AASDH: variants seen among roughly 807,000 people sequenced by gnomAD.
AASDH encodes aminoadipate-semialdehyde dehydrogenase, also known as beta-alanine-activating enzyme.
AASDH carries 81 observed loss-of-function variants against 102.3 expected under a neutral mutation model. The ratio of observed to expected loss-of-function variants is 0.79; its 90% CI spans 0.66 to 0.95. The LOEUF (loss-of-function observed/expected upper bound fraction) is 0.95. Among genes scored for constraint, AASDH ranks in the 40% least tolerant of loss-of-function variants. The pLI is 0.00. For missense variants in AASDH, 1,203 were observed against 1,266.2 expected, an observed-to-expected ratio of 0.95 and a Z score of 0.76; for synonymous variants, 398 against 454.0, an observed-to-expected ratio of 0.88 and a Z score of 1.57.
rs1326485460 is a variant in AASDH at position 56,349,281 on chromosome 4, C to CACACTTAGAT, written c.2460_2469dup (p.Gly824IlefsTer2). On this transcript the variant is annotated stop_gained and frameshift_variant, in exon 11 of 15. Transcript: ENST00000205214. LOFTEE classifies it high-confidence loss of function. ...AACTTACCCACCACAATAAAGTTTC[C>CACACTTAGAT]ACACTTAGATACACATGCTGAGGAT... 1.2e-6 allele frequency: 2 copies of CACACTTAGAT among 1,614,014 alleles called. No individual in the cohort carries two copies. The highest frequency in any genetic ancestry group is 1.7e-6 in the Non-Finnish European group (2 of 1,180,002).
intron 5 of AASDH, among the ~76,000 whole-genome samples, chr4:56,361,176 C>G (rs778079170): frequency 6.6e-6 from 1 of 152,134 alleles, no homozygotes; most frequent in Non-Finnish European, 1.5e-5. Flanking sequence ...CTTTGGAAAG[C>G]CAAGGCGGGC....
At position 56,342,912 on chromosome 4, in the gene AASDH, G is replaced by C; in HGVS notation, c.2830C>G (p.Pro944Ala). The change falls in exon 14 of 15, where the codon CCA becomes GCA. Residue 944 changes from proline to alanine, a missense_variant. Coordinates refer to ENST00000205214, the MANE Select transcript of AASDH (RefSeq NM_181806.4). Reference sequence around the variant, plus strand: ...CAAATATACTGTGAGCAACATTGTGGGGAAGAGAAGAGTGGTTTTCCACAG... The same window carrying C: ...CAAATATACTGTGAGCAACATTGTGCGGAAGAGAAGAGTGGTTTTCCACAG... The part of the protein sequence containing the change: ...HSCGKPLFSS[P>A]QCCSQYICIG... The C allele has an allele frequency of 6.3e-7, 1 of 1,595,754 alleles. No homozygotes were observed. Among genetic ancestry groups the C allele is most frequent in the Non-Finnish European group, 8.5e-7 (1 of 1,171,122 alleles).
chr4:56,358,942 T>C (rs1314593870), intron 5 of AASDH, among the ~76,000 whole-genome samples: 3 of 152,228 alleles, frequency 2.0e-5, no homozygotes, highest in Non-Finnish European at 4.4e-5. Context: ...TACTTATGTT[T>C]TCAATTTTGT....
intron 3 of AASDH, among the ~76,000 whole-genome samples, chr4:56,380,094 T>C (rs1242821408): frequency 6.6e-6 from 1 of 152,216 alleles, no homozygotes; most frequent in East Asian, 1.9e-4. Flanking sequence ...TCGGATATAC[T>C]ATATGGTCCT....
At chr4:56,354,607 C>A in intron 7 of AASDH, 98 bp downstream of exon 7, 1 of 852,462 alleles carries the variant, frequency 1.2e-6, no homozygotes, top group Non-Finnish European at 1.8e-6. Context: ...CACTGAAAAG[C>A]ATGAGATAGA....
intron 2 of AASDH, among the ~76,000 whole-genome samples, chr4:56,383,162 AT>A (rs35068358): frequency 6.6e-6 from 1 of 152,042 alleles, no homozygotes; most frequent in Non-Finnish European, 1.5e-5. Context: ...GAAATACAAG[AT>A]TTTTTTAAAG....
chr4:56,386,324 C>T (rs530539836), intron 1 of AASDH, among the ~76,000 whole-genome samples: 3 of 152,292 alleles, frequency 2.0e-5, no homozygotes, highest in African/African-American at 7.2e-5. Context: ...GGTACCTACA[C>T]ATCTATACGA....
rs774212215 is a variant in AASDH at position 56,349,243 on chromosome 4, C to T, written c.2488+20G>A. On this transcript the variant is annotated intron_variant, in intron 11 of 14. Transcript: ENST00000205214. ...TGGTAATTCAATTTAACTCCACAAACCTCAAATTCAAAAACTTACCCACCA... is the reference window on the plus strand; with the variant it reads ...TGGTAATTCAATTTAACTCCACAAATCTCAAATTCAAAAACTTACCCACCA... 6.2e-7 allele frequency: 1 copy of T among 1,609,376 alleles called. No homozygotes were observed. The highest frequency in any genetic ancestry group is 1.7e-5 in the Admixed American group (1 of 59,600).
chr4:56,358,630 T>C (rs1199317324), intron 5 of AASDH, among the ~76,000 whole-genome samples: 1 of 152,020 alleles, frequency 6.6e-6, no homozygotes, highest in Non-Finnish European at 1.5e-5. Context: ...TGTTCATTAT[T>C]CTTTACGTAG....
intron 3 of AASDH, among the ~76,000 whole-genome samples, chr4:56,378,748 A>G (rs1410385469): frequency 6.9e-6 from 1 of 144,850 alleles, no homozygotes; most frequent in Non-Finnish European, 1.5e-5. Context: ...TAGTTGCTAT[A>G]TTTTTAAATC....
At chr4:56,359,325 G>A (rs915237967) in intron 5 of AASDH, among the ~76,000 whole-genome samples, 5 of 104,768 alleles carry the variant, frequency 4.8e-5, no homozygotes, top group South Asian at 6.5e-4. Context: ...CACAACATCC[G>A]CCTCCTGCCT....
In AASDH at chr4:56,355,287, C is replaced by A; in HGVS notation, c.998G>T (p.Gly333Val). 6.2e-7 allele frequency: 1 copy of A among 1,614,132 alleles called. No individual in the cohort carries two copies. ...PSLTVLRSWR[G>V]EGNKTQIFNV... ...AAATATTTGTGTTTTATTGCCTTCT[C>A]CTCTCCAGCTTCTGAGAACTGTCAA... The change falls in exon 6 of 15, where the codon GGA (glycine) becomes GTA (valine). Residue 333 changes from glycine to valine, a missense_variant. Transcript: ENST00000205214.
intron 5 of AASDH, among the ~76,000 whole-genome samples, chr4:56,368,620 C>CA (rs1279456915): frequency 6.8e-6 from 1 of 147,180 alleles, no homozygotes; most frequent in Non-Finnish European, 1.5e-5. Flanking sequence ...ATTGCAAGGA[C>CA]AAAAAACCAA....
At chr4:56,366,447 T>C (rs1488966390) in intron 5 of AASDH, among the ~76,000 whole-genome samples, 1 of 152,154 alleles carries the variant, frequency 6.6e-6, no homozygotes, top group African/African-American at 2.4e-5. Context: ...ATATCCTTGA[T>C]GAACATTGAT....
chr4:56,382,778 C>T (rs1753129268), intron 2 of AASDH, among the ~76,000 whole-genome samples, 181 bp from the exon 3 acceptor site: 1 of 152,180 alleles, frequency 6.6e-6, no homozygotes, highest in African/African-American at 2.4e-5. Context: ...GTAATAAACG[C>T]TGTCATTTTA....
At chr4:56,359,507 G>C (rs116540489) in intron 5 of AASDH, among the ~76,000 whole-genome samples, 2,416 of 151,840 alleles carry the variant, frequency 0.016, 74 homozygotes, top group African/African-American at 0.055. Flanking sequence ...CTCCCACCTC[G>C]GCCCCCCAGA....
In AASDH at chr4:56,378,160, A is replaced by G; in HGVS notation, c.656T>C (p.Ile219Thr). 1.3e-6 allele frequency: 2 copies of G among 1,598,170 alleles called. No individual in the cohort carries two copies. Among genetic ancestry groups the G allele is most frequent in the Non-Finnish European group, 1.7e-6 (2 of 1,172,724 alleles). The change falls in exon 4 of 15, where the codon ATC becomes ACC. Residue 219 changes from isoleucine to threonine, a missense_variant. Physicochemically the swap from Ile to Thr is moderately conservative, Grantham distance 89. Coordinates refer to ENST00000205214, the MANE Select transcript of AASDH (RefSeq NM_181806.4). ...GACTAGAACTTACCGAAAATGCTGG[A>G]TATTTGGTACTATACACTTATGAGG... Reference protein sequence around the residue: ...RVPHKCIVPNIQHFRVLFDIT... With the variant: ...RVPHKCIVPNTQHFRVLFDIT...
intron 6 of AASDH, 28 bp downstream of exon 6, chr4:56,355,154 C>T: frequency 1.2e-6 from 2 of 1,604,254 alleles, no homozygotes; most frequent in Non-Finnish European, 1.7e-6. Context: ...AGTCTCTCTT[C>T]TCTATATAGT....
intron 9 of AASDH, 22 bp from the exon 10 acceptor site, chr4:56,351,479 C>A: frequency 7.6e-7 from 1 of 1,310,550 alleles, no homozygotes. Context: ...AGAGAAATAA[C>A]AAATGTTTTA....
Sources: allele counts gnomAD v4.1 joint callset (sites outside exome capture counted in the v4.1 genomes callset), GRCh38; gene constraint gnomAD v4.1.1; transcripts MANE v1.5; gene names NCBI Gene and HGNC (gene_info 2026-07-23, HGNC 2026-07-21).